Variants in GLIS1 observed in about 807,000 individuals in gnomAD.
GLIS1 encodes the protein zinc finger protein GLIS1.
A neutral mutation model predicts 63.8 loss-of-function variants in GLIS1; 24 were observed. The ratio of observed to expected loss-of-function variants is 0.38; its 90% CI spans 0.27 to 0.53. GLIS1 has a LOEUF of 0.53. Among genes scored for constraint, GLIS1 ranks in the 20% least tolerant of loss-of-function variants. GLIS1 has a pLI of 0.85. For synonymous variants in GLIS1, 450 were observed against 482.5 expected, an observed-to-expected ratio of 0.93 and a Z score of 0.88; for missense variants, 1,036 against 1,074.1, an observed-to-expected ratio of 0.96 and a Z score of 0.50.
intron 2 of GLIS1, among the ~76,000 whole-genome samples, chr1:53,683,303 G>A (rs910674224): frequency 2.0e-5 from 3 of 151,536 alleles, no homozygotes; most frequent in African/African-American, 4.9e-5. Context: ...CTCACACCGC[G>A]TGAATGTGAT....
chr1:53,622,084 T>A (rs1218492558), intron 2 of GLIS1, among the ~76,000 whole-genome samples: 4 of 151,760 alleles, frequency 2.6e-5, no homozygotes, highest in Admixed American at 6.6e-5. Flanking sequence ...GCGTCCGGCC[T>A]CATACAGGAA....
At chr1:53,538,234 C>T (rs1246678248) in intron 4 of GLIS1, among the ~76,000 whole-genome samples, 2 of 152,028 alleles carry the variant, frequency 1.3e-5, no homozygotes, top group African/African-American at 4.8e-5. Context: ...AGGGCACTGA[C>T]CCGGGCTCTT....
Position 53,662,572 on chromosome 1 carries a change from A to G in GLIS1, c.260-62294T>C, listed in dbSNP as rs566778901. On this transcript the variant is annotated intron_variant, in intron 2 of 10. Transcript: ENST00000628545. Reference sequence around the variant, plus strand: ...TGGATCCTGAGGGCAAACCCATCACATGTGGGCCGTCAGCCTCCTGGTTTG... The same window carrying G: ...TGGATCCTGAGGGCAAACCCATCACGTGTGGGCCGTCAGCCTCCTGGTTTG... 4.4e-3 allele frequency among the ~76,000 whole-genome samples: 675 copies of G among 152,216 alleles called. 4 individuals carry two copies. Among genetic ancestry groups the G allele is most frequent in the African/African-American group, 0.014 (563 of 41,524 alleles).
At position 53,594,686 on chromosome 1, in the gene GLIS1, T is replaced by C; in HGVS notation, c.742A>G (p.Thr248Ala). 2 of 1,536,456 alleles carry C rather than the reference T, an allele frequency of 1.3e-6. No homozygotes were observed. The highest frequency in any genetic ancestry group is 1.8e-6 in the Non-Finnish European group (2 of 1,139,214). ...KRCCVLGLPP[T>A]SPASSSPCAS... ...CAGGGTGAGGAGGAGGCTGGGGAGGTGGGGGGTAGGCCCAAGACGCAGCAC... is the reference window on the plus strand; with the variant it reads ...CAGGGTGAGGAGGAGGCTGGGGAGGCGGGGGGTAGGCCCAAGACGCAGCAC... Residue 248 changes from threonine to alanine, a missense_variant, in exon 4 of 11, where the codon ACC becomes GCC. By Grantham distance (58) the Thr-to-Ala change is moderately conservative. Around this residue, in one of 3 missense-constraint regions of GLIS1, gnomAD observed 592 missense variants for 593.9 expected, o/e 1.00. Coordinates refer to ENST00000628545, the MANE Select transcript of GLIS1 (RefSeq NM_001367484.1).
chr1:53,716,379 C>T (rs533272578), intron 2 of GLIS1, among the ~76,000 whole-genome samples: 2 of 152,080 alleles, frequency 1.3e-5, no homozygotes, highest in East Asian at 3.9e-4. Flanking sequence ...AAGTGGGTGA[C>T]CAGTTGGGGA....
intron 2 of GLIS1, among the ~76,000 whole-genome samples, chr1:53,685,225 GAGA>G (rs1394982371): frequency 6.6e-6 from 1 of 152,184 alleles, no homozygotes; most frequent in Non-Finnish European, 1.5e-5. Context: ...AGAGGCCACA[GAGA>G]AGGAGACTAG....
intron 4 of GLIS1, among the ~76,000 whole-genome samples, chr1:53,552,693 G>A (rs1316244987): frequency 6.6e-6 from 1 of 152,108 alleles, no homozygotes; most frequent in Non-Finnish European, 1.5e-5. Flanking sequence ...GCTCCCCAGG[G>A]CTCCTCCATC....
intron 4 of GLIS1, among the ~76,000 whole-genome samples, chr1:53,572,111 A>G (rs1283813192): frequency 6.6e-6 from 1 of 152,212 alleles, no homozygotes; most frequent in Non-Finnish European, 1.5e-5. Flanking sequence ...ACATATTTGC[A>G]TGTATTCTCT....
At chr1:53,690,951 A>C (rs12082358) in intron 2 of GLIS1, among the ~76,000 whole-genome samples, 34,398 of 152,142 alleles carry the variant, frequency 0.23, 3,992 homozygotes, top group East Asian at 0.3. Context: ...ACTGAAGCAC[A>C]GGTAATCTTC....
At chr1:53,684,267 C>T (rs1253112273) in intron 2 of GLIS1, among the ~76,000 whole-genome samples, 3 of 152,118 alleles carry the variant, frequency 2.0e-5, no homozygotes, top group Non-Finnish European at 4.4e-5. Flanking sequence ...CAGGGCCTCC[C>T]CAGAACTCAA....
chr1:53,725,612 G>T (rs941431031), intron 2 of GLIS1, among the ~76,000 whole-genome samples: 1 of 152,188 alleles, frequency 6.6e-6, no homozygotes, highest in Non-Finnish European at 1.5e-5. Flanking sequence ...TGCGAGCTCC[G>T]AGGAGGCAAG....
In GLIS1 at chr1:53,738,035, C is replaced by T. The variant is rs969845556; in HGVS notation, c.30G>A (p.Ser10=). The T allele has an allele frequency of 2.1e-5, 26 of 1,230,548 alleles. 1 individual carries two copies. In the Admixed American group the frequency reaches 3.0e-4, roughly 14 times the overall value. 76.2% of individuals were successfully genotyped at this position (1,230,548 alleles called of 1,614,324 possible). Residue 10 remains serine (S), a synonymous_variant, in exon 2 of 11, where the codon TCG becomes TCA. Transcript: ENST00000628545. ...CAGGGGCCTCCTTAGGCCTCTTGTC[C>T]GAGTGTGCCTCAGCCACCTCGCAAT... MHCEVAEAH[S]DKRPKEAPGA... is the part of the protein sequence containing the mutation.
chr1:53,700,524 G>A (rs966230956), intron 2 of GLIS1, among the ~76,000 whole-genome samples: 1 of 152,174 alleles, frequency 6.6e-6, no homozygotes, highest in Non-Finnish European at 1.5e-5. Flanking sequence ...GCCTCTGCTC[G>A]TGTAAATGCA....
chr1:53,706,258 T>C (rs1646578158), intron 2 of GLIS1, among the ~76,000 whole-genome samples: 1 of 152,174 alleles, frequency 6.6e-6, no homozygotes, highest in African/African-American at 2.4e-5. Flanking sequence ...CTTAGCCCCA[T>C]GCCATTCTGA....
At chr1:53,547,907 G>A (rs1287083537) in intron 4 of GLIS1, among the ~76,000 whole-genome samples, 1 of 152,236 alleles carries the variant, frequency 6.6e-6, no homozygotes, top group Non-Finnish European at 1.5e-5. Flanking sequence ...CTGTCTCTGT[G>A]AGGGGGCAGC....
rs144708862 is a variant in GLIS1, at chr1:53,723,958, C to A, written c.259+13848G>T. 4.6e-3 allele frequency among the ~76,000 whole-genome samples: 695 copies of A among 152,298 alleles called. 9 individuals are homozygous for A. Among genetic ancestry groups the A allele is most frequent in the African/African-American group, 0.016 (657 of 41,556 alleles). ...CCAGGGGTGAGCTGGCTCTGGGTTACCCGCTAAGGAACCAGCAGAAGCCAC... is the reference window on the plus strand; with the variant it reads ...CCAGGGGTGAGCTGGCTCTGGGTTAACCGCTAAGGAACCAGCAGAAGCCAC... On this transcript the variant is annotated intron_variant, in intron 2 of 10. Transcript: ENST00000628545.
intron 2 of GLIS1, among the ~76,000 whole-genome samples, chr1:53,729,758 T>G (rs932728967): frequency 1.3e-5 from 2 of 152,228 alleles, no homozygotes; most frequent in African/African-American, 2.4e-5. Context: ...TTTAGGCATC[T>G]GACATTCCAG....
intron 4 of GLIS1, among the ~76,000 whole-genome samples, chr1:53,534,140 AG>A (rs1443347637): frequency 6.6e-6 from 1 of 151,710 alleles, no homozygotes; most frequent in African/African-American, 2.4e-5. Context: ...GGCTGCAGGG[AG>A]GGAACCCCCA....
chr1:53,554,567 G>A (rs1222770234), intron 4 of GLIS1, among the ~76,000 whole-genome samples: 1 of 152,200 alleles, frequency 6.6e-6, no homozygotes, highest in African/African-American at 2.4e-5. Flanking sequence ...GGCACTACAG[G>A]ACTAGTCCGG....
Sources: allele counts gnomAD v4.1 joint callset (sites outside exome capture counted in the v4.1 genomes callset), GRCh38; gene constraint gnomAD v4.1.1; regional missense constraint gnomAD v4.1.1; transcripts MANE v1.5; gene names NCBI Gene and HGNC (gene_info 2026-07-23, HGNC 2026-07-21).